The following INTS8 variants were observed in gnomAD, a reference collection of about 807,000 sequenced individuals.
INTS8 encodes protein kaonashi-1.
INTS8 carries 47 observed loss-of-function variants against 138.9 expected under a neutral mutation model. That is an observed-to-expected ratio of 0.34 (90% CI 0.27 to 0.43). The LOEUF is 0.43. Among genes scored for constraint, INTS8 ranks in the 20% least tolerant of loss-of-function variants. The pLI, the probability that INTS8 is intolerant of heterozygous loss-of-function variation, is 1.00. For missense variants in INTS8, 996 were observed against 1,173.0 expected (o/e 0.85, Z 2.20); for synonymous variants, 392 against 400.9 (o/e 0.98, Z 0.27).
intron 16 of INTS8, among the ~76,000 whole-genome samples, chr8:94,860,918 G>T (rs373088910): frequency 2.0e-5 from 3 of 151,646 alleles, no homozygotes; most frequent in African/African-American, 4.8e-5. Context: ...TTAGCCGGGC[G>T]TAGTGGCGGG....
At chr8:94,832,854 C>T (rs1185481344) in intron 6 of INTS8, among the ~76,000 whole-genome samples, 1 of 152,102 alleles carries the variant, frequency 6.6e-6, no homozygotes, top group Non-Finnish European at 1.5e-5. Flanking sequence ...CGGGGTTTCA[C>T]CGTGTTGGCC....
intron 13 of INTS8, among the ~76,000 whole-genome samples, chr8:94,853,433 G>A (rs1027173228): frequency 6.6e-6 from 1 of 152,150 alleles, no homozygotes; most frequent in African/African-American, 2.4e-5. Context: ...TTAAATAGCC[G>A]TATAATCTTG....
At chr8:94,837,557 C>T (rs570572977) in intron 7 of INTS8, among the ~76,000 whole-genome samples, 1 of 147,760 alleles carries the variant, frequency 6.8e-6, no homozygotes, top group South Asian at 2.1e-4. Context: ...TTTTTTCAAA[C>T]TTTTTTTTTT....
Position 94,829,034 on chromosome 8 carries a change from T to C in INTS8, c.570+8T>C. The C allele has an allele frequency of 6.3e-7, 1 of 1,589,002 alleles. No individual in the cohort carries two copies. The highest frequency in any genetic ancestry group is 8.6e-7 in the Non-Finnish European group (1 of 1,161,964). On this transcript the variant is annotated splice_region_variant and intron_variant, in intron 5 of 26. Coordinates refer to ENST00000523731, the MANE Select transcript of INTS8 (RefSeq NM_017864.4). ...GAAAACATTTTGAAAGTGGTAAGTATTGGCATCAGTTACACAGTAACACTT... is the reference window on the plus strand; with the variant it reads ...GAAAACATTTTGAAAGTGGTAAGTACTGGCATCAGTTACACAGTAACACTT...
At chr8:94,841,261 C>T (rs1395231013) in intron 8 of INTS8, among the ~76,000 whole-genome samples, 1 of 152,062 alleles carries the variant, frequency 6.6e-6, no homozygotes, top group Non-Finnish European at 1.5e-5. Context: ...TGACTGATTC[C>T]TTTCTTACCT....
intron 10 of INTS8, 28 bp downstream of exon 10, chr8:94,842,516 G>T: frequency 1.3e-6 from 2 of 1,571,382 alleles, no homozygotes; most frequent in South Asian, 2.3e-5. Context: ...TTCCCCTTTT[G>T]ATTTATAATT....
chr8:94,846,536 A>G (rs773359590), intron 10 of INTS8, among the ~76,000 whole-genome samples: 1 of 152,160 alleles, frequency 6.6e-6, no homozygotes, highest in African/African-American at 2.4e-5. Context: ...AGCCTCCCAG[A>G]TTACTGGGAT....
intron 16 of INTS8, among the ~76,000 whole-genome samples, chr8:94,863,442 A>G (rs886805598): frequency 5.3e-5 from 8 of 152,202 alleles, no homozygotes; most frequent in African/African-American, 1.7e-4. Flanking sequence ...TTCTCTGTAA[A>G]TGAGTAAATC....
intron 16 of INTS8, chr8:94,859,979 GT>G (rs1385601663): frequency 5.9e-6 from 1 of 168,096 alleles, no homozygotes; most frequent in African/African-American, 2.4e-5. Context: ...ACTTCTCCTT[GT>G]TTCCATTTGA....
chr8:94,878,591 G>A (rs1816655049), intron 26 of INTS8, among the ~76,000 whole-genome samples: 1 of 152,132 alleles, frequency 6.6e-6, no homozygotes, highest in African/African-American at 2.4e-5. Flanking sequence ...ACCTTCTAAT[G>A]AATTGATTTC....
At chr8:94,854,132 G>C (rs544686133) in intron 14 of INTS8, among the ~76,000 whole-genome samples, 4 of 146,492 alleles carry the variant, frequency 2.7e-5, no homozygotes, top group African/African-American at 5.1e-5. Context: ...TGAGGCAGGA[G>C]AATCTCATGG....
intron 5 of INTS8, 125 bp downstream of exon 5, chr8:94,829,151 G>T (rs981561585): frequency 4.4e-6 from 3 of 682,796 alleles, no homozygotes; most frequent in Admixed American, 2.9e-5. Context: ...GATGTGGTGT[G>T]GGGGGCGGGG....
At chr8:94,857,048 G>C in intron 15 of INTS8, 70 bp downstream of exon 15, 10 of 1,009,832 alleles carry the variant, frequency 9.9e-6, no homozygotes, top group Middle Eastern at 2.8e-4. Context: ...AAATTTAAAA[G>C]CAGATTTATT....
intron 6 of INTS8, among the ~76,000 whole-genome samples, chr8:94,835,401 A>G (rs532758927): frequency 5.3e-5 from 8 of 152,218 alleles, no homozygotes; most frequent in South Asian, 2.1e-4. Flanking sequence ...TTTTTTGCCT[A>G]GTGTCCACAT....
At chr8:94,837,441 T>A (rs1231110021) in intron 7 of INTS8, among the ~76,000 whole-genome samples, 1 of 152,210 alleles carries the variant, frequency 6.6e-6, no homozygotes, top group East Asian at 1.9e-4. Context: ...TTAAATGCTC[T>A]GACTATTCTA....
At chr8:94,850,140 T>A (rs1321569622) in intron 12 of INTS8, 49 bp downstream of exon 12, 1 of 1,266,540 alleles carries the variant, frequency 7.9e-7, no homozygotes, top group Non-Finnish European at 1.1e-6. Context: ...TTTGCCCCTC[T>A]ATTCAAATTA....
In INTS8 at chr8:94,880,792, T is replaced by TA. The variant is rs894212839; in HGVS notation, c.*559dup. The TA allele has an allele frequency of 4.0e-5, 16 of 398,446 alleles. No homozygotes were observed. Among genetic ancestry groups the TA allele is most frequent in the Non-Finnish European group, 6.2e-5 (14 of 225,770 alleles). 24.7% of individuals were successfully genotyped at this position (398,446 alleles called of 1,614,324 possible). ...AAAAAAAAATTCCTTAGGGATATCTTAGAGTAGTAAAGTGACTTCCTCATA... is the reference window on the plus strand; with the variant it reads ...AAAAAAAAATTCCTTAGGGATATCTTAAGAGTAGTAAAGTGACTTCCTCATA... On this transcript the variant is annotated 3_prime_UTR_variant, in exon 27 of 27. Transcript: ENST00000523731.
At chr8:94,842,045 G>A (rs889634780) in intron 9 of INTS8, among the ~76,000 whole-genome samples, 3 of 151,168 alleles carry the variant, frequency 2.0e-5, no homozygotes, top group African/African-American at 7.3e-5. Flanking sequence ...CTCCAGCCTG[G>A]GTGACAAAGC....
chr8:94,876,421 T>G (rs370855818), intron 25 of INTS8, 25 bp from the exon 26 acceptor site: 1 of 1,475,122 alleles, frequency 6.8e-7, no homozygotes, highest in Non-Finnish European at 9.4e-7. Flanking sequence ...ACTATCAGAT[T>G]TATTTTCCTT....
Sources: allele counts gnomAD v4.1 joint callset (sites outside exome capture counted in the v4.1 genomes callset), GRCh38; gene constraint gnomAD v4.1.1; transcripts MANE v1.5; gene names NCBI Gene and HGNC (gene_info 2026-07-23, HGNC 2026-07-21).